The following STUM variants were observed in gnomAD, a reference collection of about 807,000 sequenced individuals.
STUM encodes stum, mechanosensory transduction mediator homolog.
Under a neutral mutation model 15.3 loss-of-function variants are expected in STUM, and 8 were observed. The ratio of observed to expected loss-of-function variants is 0.52; its 90% confidence interval spans 0.31 to 0.94. The LOEUF is 0.94. STUM is among the 40% of genes least tolerant of loss of function. STUM has a pLI of 0.05. For missense variants in STUM, 142 were observed against 204.9 expected (o/e 0.69, Z 1.87); for synonymous variants, 78 against 88.7 (o/e 0.88, Z 0.68).
At chr1:226,566,711 C>A (rs542184964) in intron 1 of STUM, among the ~76,000 whole-genome samples, 1 of 152,154 alleles carries the variant, frequency 6.6e-6, no homozygotes, top group Non-Finnish European at 1.5e-5. Flanking sequence ...ATCAAGAGCC[C>A]TTTTAACTGA....
chr1:226,554,299 T>C (rs1019334427), intron 1 of STUM, among the ~76,000 whole-genome samples: 1 of 152,122 alleles, frequency 6.6e-6, no homozygotes, highest in African/African-American at 2.4e-5. Flanking sequence ...TTGCTGAGAT[T>C]TTGTGGTTGT....
chr1:226,601,120 G>GTT (rs3068290), intron 3 of STUM, among the ~76,000 whole-genome samples: 3 of 149,920 alleles, frequency 2.0e-5, no homozygotes, highest in African/African-American at 4.9e-5. Context: ...AGTAGGTATC[G>GTT]TTTTTTTTTT....
At chr1:226,577,108 G>A (rs1667829274) in intron 1 of STUM, among the ~76,000 whole-genome samples, 1 of 152,196 alleles carries the variant, frequency 6.6e-6, no homozygotes, top group East Asian at 1.9e-4. Context: ...AAGGTTAGGT[G>A]ACTTGTCCAA....
rs116295487 is a variant in STUM at position 226,564,483 on chromosome 1, C to G, written c.202+15377C>G. 5.7e-3 allele frequency among the ~76,000 whole-genome samples: 874 copies of G among 152,256 alleles called. 12 individuals are homozygous for G. The highest frequency in any genetic ancestry group is 0.02 in the African/African-American group (841 of 41,534). On this transcript the variant is annotated intron_variant, in intron 1 of 3. Transcript: ENST00000366788. ...ATCATGGGGGGAAAAGAGTGTGATT[C>G]TTAACATGCATCTGAAGACAGTCAG...
At chr1:226,601,377 G>A (rs537194979) in intron 3 of STUM, among the ~76,000 whole-genome samples, 3 of 152,142 alleles carry the variant, frequency 2.0e-5, no homozygotes, top group South Asian at 2.1e-4. Context: ...TGCCCGCCTC[G>A]GCCTCCCAAA....
At chr1:226,589,962 G>A (rs1668059479) in intron 1 of STUM, among the ~76,000 whole-genome samples, 1 of 151,758 alleles carries the variant, frequency 6.6e-6, no homozygotes, top group Non-Finnish European at 1.5e-5. Flanking sequence ...TTTTAAACAA[G>A]CAATTCCTAG....
At chr1:226,598,578 C>T (rs1668218361) in intron 2 of STUM, among the ~76,000 whole-genome samples, 1 of 152,244 alleles carries the variant, frequency 6.6e-6, no homozygotes, top group South Asian at 2.1e-4. Flanking sequence ...CTCCCTTCAT[C>T]ATGCCTAGAT....
At position 226,600,778 on chromosome 1, in the gene STUM, T is replaced by A; in HGVS notation, c.391+104T>A. 1 of 1,236,068 alleles carries A rather than the reference T, an allele frequency of 8.1e-7. No homozygotes were observed. Among genetic ancestry groups the A allele is most frequent in the Non-Finnish European group, 1.2e-6 (1 of 850,296 alleles). The allele number at this position is 1,236,068 out of a possible 1,614,324, so 76.6% of individuals were successfully genotyped here. A position where few individuals can be genotyped will look rare whatever the true frequency, so the allele number is the denominator to read the frequency against. On this transcript the variant is annotated intron_variant, in intron 3 of 3. Coordinates refer to ENST00000366788, the MANE Select transcript of STUM (RefSeq NM_001003665.4). This position sits in a 1 kb window ranked among gnomAD's most constrained non-coding sequence, Gnocchi z 5.2. Reference sequence around the variant, plus strand: ...ACAAACACCCCACCCACTCTCCCAGTGGGTCAATGGGCTTTTATGTTTAGC... The same window carrying A: ...ACAAACACCCCACCCACTCTCCCAGAGGGTCAATGGGCTTTTATGTTTAGC...
chr1:226,576,385 TC>T (rs1417124753), intron 1 of STUM, among the ~76,000 whole-genome samples: 1 of 151,614 alleles, frequency 6.6e-6, no homozygotes, highest in African/African-American at 2.4e-5. Context: ...AAAAAGAAAT[TC>T]CCCCCATTCT....
intron 1 of STUM, among the ~76,000 whole-genome samples, chr1:226,568,899 C>T (rs982184385): frequency 3.3e-5 from 5 of 151,874 alleles, no homozygotes; most frequent in South Asian, 2.1e-4. Flanking sequence ...GCAGAAACGC[C>T]GACCACACTG....
rs1391676916 is a variant in STUM at position 226,606,897 on chromosome 1, G to A, written c.*4857G>A. On this transcript the variant is annotated 3_prime_UTR_variant, in exon 4 of 4. Coordinates refer to ENST00000366788, the MANE Select transcript of STUM (RefSeq NM_001003665.4). The stretch of plus-strand genomic sequence containing the variant: ...GCATTAACTCATCAGCAAGCTCATC[G>A]AGAGCTAACGTGGGCCCAGCAGTCC... The A allele has an allele frequency of 1.3e-5, 2 of 152,398 alleles. No homozygotes were observed. Among genetic ancestry groups the A allele is most frequent in the Admixed American group, 6.5e-5 (1 of 15,300 alleles). 9.4% of individuals were successfully genotyped at this position (152,398 alleles called of 1,614,324 possible).
At chr1:226,574,415 T>C (rs76852798) in intron 1 of STUM, among the ~76,000 whole-genome samples, 5,195 of 152,324 alleles carry the variant, frequency 0.034, 100 homozygotes, top group South Asian at 0.062. Context: ...ATGACAGTAT[T>C]TCCTTCAAAA....
At chr1:226,582,724 C>T (rs1421509908) in intron 1 of STUM, among the ~76,000 whole-genome samples, 4 of 152,174 alleles carry the variant, frequency 2.6e-5, no homozygotes, top group African/African-American at 7.2e-5. Flanking sequence ...AAAGGTTTTC[C>T]ACAGTCCCAG....
At chr1:226,581,475 G>C (rs1158006486) in intron 1 of STUM, among the ~76,000 whole-genome samples, 1 of 152,258 alleles carries the variant, frequency 6.6e-6, no homozygotes, top group African/African-American at 2.4e-5. Flanking sequence ...CATCTGGCGA[G>C]GGCCTTCTTG....
intron 1 of STUM, among the ~76,000 whole-genome samples, chr1:226,576,502 C>G (rs1035364645): frequency 6.6e-6 from 1 of 152,238 alleles, no homozygotes; most frequent in South Asian, 2.1e-4. Flanking sequence ...AGACCCATCT[C>G]TTGCCAAGGT....
intron 1 of STUM, among the ~76,000 whole-genome samples, chr1:226,582,171 G>T (rs1350618246): frequency 1.3e-5 from 2 of 152,244 alleles, no homozygotes; most frequent in East Asian, 3.8e-4. Context: ...GCCGGCCCCT[G>T]CCCCGGGAAA....
At chr1:226,568,667 C>G (rs781775261) in intron 1 of STUM, among the ~76,000 whole-genome samples, 9 of 152,370 alleles carry the variant, frequency 5.9e-5, no homozygotes, top group African/African-American at 1.9e-4. Flanking sequence ...CCTGCTGCCC[C>G]CTCTGGCAGC....
intron 1 of STUM, among the ~76,000 whole-genome samples, chr1:226,573,433 A>G (rs189509422): frequency 1.3e-5 from 2 of 152,342 alleles, no homozygotes; most frequent in Admixed American, 1.3e-4. Context: ...GAACAGTAAA[A>G]TCCAGGGCAC....
At chr1:226,591,239 C>G (rs1225040923) in intron 1 of STUM, among the ~76,000 whole-genome samples, 2 of 152,204 alleles carry the variant, frequency 1.3e-5, no homozygotes, top group Non-Finnish European at 2.9e-5. Context: ...CCTTATACGG[C>G]AAAAGGGACC....
Sources: allele counts gnomAD v4.1 joint callset (sites outside exome capture counted in the v4.1 genomes callset), GRCh38; gene constraint gnomAD v4.1.1; non-coding constraint Gnocchi (gnomAD v3.1); transcripts MANE v1.5; gene names NCBI Gene and HGNC (gene_info 2026-07-23, HGNC 2026-07-21).